The following CDT1 variants were observed in gnomAD, a reference collection of about 807,000 sequenced individuals.
CDT1 encodes DNA replication factor Cdt1.
In CDT1, 66 loss-of-function variants were observed where a neutral mutation model predicts 49.3. That is an observed-to-expected ratio of 1.34 (90% CI 1.10 to 1.64). The LOEUF is 1.64. Ranked by LOEUF, CDT1 falls within the 40% of genes most tolerant of loss-of-function variation. CDT1 has a pLI of 0.00. For synonymous variants in CDT1, 424 were observed against 347.4 expected, an observed-to-expected ratio of 1.22 and a Z score of -2.45; for missense variants, 958 against 807.7, an observed-to-expected ratio of 1.19 and a Z score of -2.26.
intron 3 of CDT1, 55 bp from the exon 4 acceptor site, chr16:88,805,385 G>C: frequency 6.2e-7 from 1 of 1,600,420 alleles, no homozygotes. Context: ...GCCTGCTGTG[G>C]CGTTGGAGGG....
In CDT1 at chr16:88,804,577, C is replaced by A; in HGVS notation, c.261C>A (p.Asp87Glu). The change falls in exon 2 of 10, where the codon GAC (aspartate) becomes GAA (glutamate). Residue 87 changes from aspartate to glutamate, a missense_variant. Physicochemically the swap from Asp to Glu is conservative, Grantham distance 45. Coordinates refer to ENST00000301019, the MANE Select transcript of CDT1 (RefSeq NM_030928.4). ...VSSPSTPEAP[D>E]IPACPSPGQK... ...GCCCCAGTACCCCCGAGGCCCCAGA[C>A]ATCCCAGCCTGCCCTTCTCCGGGCC... 1 of 1,613,100 alleles carries A rather than the reference C, an allele frequency of 6.2e-7. No individual in the cohort carries two copies. The highest frequency in any genetic ancestry group is 1.7e-5 in the Admixed American group (1 of 60,020).
intron 6 of CDT1, 95 bp downstream of exon 6, chr16:88,806,216 T>G: frequency 4.9e-6 from 6 of 1,214,086 alleles, no homozygotes; most frequent in Non-Finnish European, 7.0e-6. Flanking sequence ...CACTCACAGC[T>G]TCTCCCGGGA....
Position 88,805,497 on chromosome 16 carries a change from G to A in CDT1, c.546G>A (p.Pro182=), listed in dbSNP as rs770311076. The change falls in exon 4 of 10, where the codon CCG becomes CCA. Residue 182 remains proline (P), a synonymous_variant. Transcript: ENST00000301019. ...RFHALAQPGL[P]GLVLPYKYQV... Reference sequence around the variant, plus strand: ...ATGCCCTGGCCCAGCCCGGCCTGCCGGGACTCGTGCTGCCCTACAAGTACC... The same window carrying A: ...ATGCCCTGGCCCAGCCCGGCCTGCCAGGACTCGTGCTGCCCTACAAGTACC... 65 of 1,612,868 alleles carry A rather than the reference G, an allele frequency of 4.0e-5. No individual in the cohort carries two copies. Among genetic ancestry groups the A allele is most frequent in the Middle Eastern group, 1.6e-4 (1 of 6,062 alleles).
rs1291801404 is a variant in CDT1, at chr16:88,804,595, T to C, written c.279T>C (p.Ser93=). The part of the protein sequence containing the change: ...PEAPDIPACP[S]PGQKIKKSTP... ...CCCCAGACATCCCAGCCTGCCCTTC[T>C]CCGGGCCAGAAGATAAAGAAATCCA... is the stretch of plus-strand genomic sequence containing the variant. The change falls in exon 2 of 10, where the codon TCT becomes TCC. Residue 93 remains serine (S), a synonymous_variant. Coordinates refer to ENST00000301019, the MANE Select transcript of CDT1 (RefSeq NM_030928.4). 1.2e-6 allele frequency: 2 copies of C among 1,612,852 alleles called. No individual in the cohort carries two copies. Among genetic ancestry groups the C allele is most frequent in the Non-Finnish European group, 1.7e-6 (2 of 1,179,860 alleles).
chr16:88,805,473 T>A lies in CDT1; in HGVS notation c.522T>A (p.His174Gln), dbSNP rs781458794. 2.5e-5 allele frequency: 41 copies of A among 1,612,680 alleles called. 1 individual carries two copies. The change falls in exon 4 of 10, where the codon CAT becomes CAA. Residue 174 changes from histidine (H) to glutamine (Q), a missense_variant. Transcript: ENST00000301019. The part of the protein sequence containing the change: ...GEKAPAYQRF[H>Q]ALAQPGLPGL... Reference sequence around the variant, plus strand: ...AGGCGCCCGCCTACCAGCGCTTCCATGCCCTGGCCCAGCCCGGCCTGCCGG... The same window carrying A: ...AGGCGCCCGCCTACCAGCGCTTCCAAGCCCTGGCCCAGCCCGGCCTGCCGG...
Position 88,805,480 on chromosome 16 carries a change from G to T in CDT1, c.529G>T (p.Ala177Ser). Reference sequence around the variant, plus strand: ...CGCCTACCAGCGCTTCCATGCCCTGGCCCAGCCCGGCCTGCCGGGACTCGT... The same window carrying T: ...CGCCTACCAGCGCTTCCATGCCCTGTCCCAGCCCGGCCTGCCGGGACTCGT... ...APAYQRFHAL[A>S]QPGLPGLVLP... The change falls in exon 4 of 10, where the codon GCC (alanine) becomes TCC (serine). Residue 177 changes from alanine (A) to serine (S), a missense_variant. Coordinates refer to ENST00000301019, the MANE Select transcript of CDT1 (RefSeq NM_030928.4). 6.2e-7 allele frequency: 1 copy of T among 1,612,812 alleles called. No individual in the cohort carries two copies. The highest frequency in any genetic ancestry group is 1.1e-5 in the South Asian group (1 of 91,082).
In CDT1 at chr16:88,809,162, TC is replaced by T. The variant is rs2142949551; in HGVS notation, c.*887del. On this transcript the variant is annotated 3_prime_UTR_variant, in exon 10 of 10. Transcript: ENST00000301019. The stretch of plus-strand genomic sequence containing the variant: ...GAAGCTGGGCAGGACAAGTAGGACA[TC>T]CCTGGAGCCTCCAGAAGGGACTGGC... The T allele has an allele frequency of 3.2e-6, 1 of 311,588 alleles. No homozygotes were observed. The highest frequency in any genetic ancestry group is 8.8e-5 in the East Asian group (1 of 11,414). 19.3% of individuals were successfully genotyped at this position (311,588 alleles called of 1,614,324 possible). A position where few individuals can be genotyped will look rare whatever the true frequency, so the allele number is the denominator to read the frequency against.
chr16:88,804,564 C>A lies in CDT1; in HGVS notation c.248C>A (p.Pro83His), dbSNP rs139038990. ...CACCAGGTTTCCAGCCCCAGTACCCCCGAGGCCCCAGACATCCCAGCCTGC... is the reference window on the plus strand; with the variant it reads ...CACCAGGTTTCCAGCCCCAGTACCCACGAGGCCCCAGACATCCCAGCCTGC... Reference protein sequence around the residue: ...SVDEVSSPSTPEAPDIPACPS... With the variant: ...SVDEVSSPSTHEAPDIPACPS... The change falls in exon 2 of 10, where the codon CCC becomes CAC. Residue 83 changes from proline (P) to histidine (H), a missense_variant. Transcript: ENST00000301019. 1.2e-6 allele frequency: 2 copies of A among 1,612,814 alleles called. No homozygotes were observed. Among genetic ancestry groups the A allele is most frequent in the South Asian group, 2.2e-5 (2 of 91,018 alleles).
intron 3 of CDT1, 133 bp downstream of exon 3, chr16:88,805,031 C>T (rs997573755): frequency 3.2e-6 from 4 of 1,246,314 alleles, no homozygotes; most frequent in African/African-American, 3.0e-5. Flanking sequence ...AGGGCGCGGA[C>T]CCAGACCCCT....
chr16:88,807,929 C>T (rs113896178), intron 9 of CDT1, among the ~76,000 whole-genome samples, 186 bp from the exon 10 acceptor site: 2,155 of 152,340 alleles, frequency 0.014, 47 homozygotes, highest in African/African-American at 0.048. Context: ...TGGCTCTCTC[C>T]GGTCACTGTT....
chr16:88,806,465 C>G, intron 6 of CDT1, 21 bp from the exon 7 acceptor site: 2 of 1,608,568 alleles, frequency 1.2e-6, no homozygotes, highest in African/African-American at 2.7e-5. Context: ...CCAGGGTCAC[C>G]CATCTACTCC....
chr16:88,808,874 T>C lies in CDT1; in HGVS notation c.*596T>C, dbSNP rs1033027239. The C allele has an allele frequency of 1.2e-4, 19 of 160,044 alleles. No homozygotes were observed. In the East Asian group the frequency reaches 1.3e-3, roughly 11 times the overall value. 9.9% of individuals were successfully genotyped at this position (160,044 alleles called of 1,614,324 possible). On this transcript the variant is annotated 3_prime_UTR_variant, in exon 10 of 10. Coordinates refer to ENST00000301019, the MANE Select transcript of CDT1 (RefSeq NM_030928.4). ...AGCCGGGTGTGGTGGTGGGCACCTG[T>C]CGTCCCAGCTACTAGGGAGGCTGAG...
Position 88,808,225 on chromosome 16 carries a change from G to C in CDT1, c.1588G>C (p.Ala530Pro). The change falls in exon 10 of 10, where the codon GCC (alanine) becomes CCC (proline). Residue 530 changes from alanine (A) to proline (P), a missense_variant. By Grantham distance (27) the Ala-to-Pro change is conservative. Coordinates refer to ENST00000301019, the MANE Select transcript of CDT1 (RefSeq NM_030928.4). The part of the protein sequence containing the change: ...YVKLDKAADL[A>P]HITARLAHQT... Reference sequence around the variant, plus strand: ...CAAGCTGGACAAGGCCGCGGACCTCGCCCACATCACTGCACGCCTGGCCCA... The same window carrying C: ...CAAGCTGGACAAGGCCGCGGACCTCCCCCACATCACTGCACGCCTGGCCCA... 2 of 1,608,288 alleles carry C rather than the reference G, an allele frequency of 1.2e-6. No homozygotes were observed. Among genetic ancestry groups the C allele is most frequent in the Non-Finnish European group, 1.7e-6 (2 of 1,177,968 alleles).
intron 3 of CDT1, 30 bp from the exon 4 acceptor site, chr16:88,805,410 C>T (rs765588951): frequency 6.2e-7 from 1 of 1,611,052 alleles, no homozygotes; most frequent in Non-Finnish European, 8.5e-7. Flanking sequence ...GGGCCTACTG[C>T]TTCTCATGAG....
intron 1 of CDT1, 121 bp downstream of exon 1, chr16:88,804,180 G>A: frequency 1.4e-6 from 1 of 727,654 alleles, no homozygotes; most frequent in South Asian, 2.9e-5. Context: ...GGGGGGGACG[G>A]GGCGCAGGGA....
chr16:88,806,712 G>A (rs1353360515), intron 7 of CDT1, 38 bp downstream of exon 7: 18 of 1,560,662 alleles, frequency 1.2e-5, no homozygotes, highest in Non-Finnish European at 1.5e-5. Flanking sequence ...TTTCTCCCGG[G>A]TGGGTGGGCC....
Position 88,804,896 on chromosome 16 carries a change from A to C in CDT1, c.486A>C (p.Pro162=), listed in dbSNP as rs1419221160. The C allele has an allele frequency of 6.5e-7, 1 of 1,544,662 alleles. No individual in the cohort carries two copies. Among genetic ancestry groups the C allele is most frequent in the Non-Finnish European group, 8.7e-7 (1 of 1,147,872 alleles). The change falls in exon 3 of 10, where the codon CCA becomes CCC. Residue 162 remains proline, a splice_region_variant and synonymous_variant. Coordinates refer to ENST00000301019, the MANE Select transcript of CDT1 (RefSeq NM_030928.4). ...TPEAEGRPEE[P]CGEKAPAYQR... ...AGGCCGAGGGCCGCCCTGAGGAGCCATGGTGAGTGCTGGGTGGGCGGCCAC... is the reference window on the plus strand; with the variant it reads ...AGGCCGAGGGCCGCCCTGAGGAGCCCTGGTGAGTGCTGGGTGGGCGGCCAC...
chr16:88,806,436 G>GC, intron 6 of CDT1, 50 bp from the exon 7 acceptor site: 1 of 1,589,378 alleles, frequency 6.3e-7, no homozygotes, highest in East Asian at 2.3e-5. Context: ...CATGCAGTCT[G>GC]CCCTTGTCTC....
In CDT1 at chr16:88,808,025, C is replaced by A. The variant is rs181265446; in HGVS notation, c.1478-90C>A. 3.0e-4 allele frequency: 428 copies of A among 1,440,604 alleles called. 1 individual carries two copies. The African/African-American group carries it at 5.3e-3, about 18-fold the overall frequency. The allele number at this position is 1,440,604 out of a possible 1,614,324, so 89.2% of individuals were successfully genotyped here. On this transcript the variant is annotated intron_variant, in intron 9 of 9. Transcript: ENST00000301019. ...GGCCCTGAGGGCGACCAGGCAGGCA[C>A]AGAGGTTGGGTGGTCAGGCTGGTTT... is the stretch of plus-strand genomic sequence containing the variant.
Sources: gnomAD v4.1 joint callset for allele counts (sites outside exome capture counted in the v4.1 genomes callset) on GRCh38, gnomAD v4.1.1 for gene constraint, MANE v1.5 for transcripts, NCBI Gene and HGNC (gene_info 2026-07-23, HGNC 2026-07-21) for gene names.